The following SPEF2 variants were observed in gnomAD, a reference collection of about 807,000 sequenced individuals.
SPEF2 encodes sperm flagellar and cilia associated 2.
Under a neutral mutation model 224.6 loss-of-function variants are expected in SPEF2, and 187 were observed. That is an observed-to-expected ratio of 0.83 (90% confidence interval 0.74 to 0.94). The LOEUF (loss-of-function observed/expected upper bound fraction) is 0.94, where lower values mean the gene tolerates loss of function less well. Ranked by LOEUF, SPEF2 falls within the 40% of genes least tolerant of loss-of-function variation. The pLI is 0.00. For missense variants in SPEF2, 2,170 were observed against 2,135.6 expected (o/e 1.02, Z -0.32); for synonymous variants, 715 against 707.3 (o/e 1.01, Z -0.17).
chr5:35,704,874 G>A (rs556826840), intron 17 of SPEF2, among the ~76,000 whole-genome samples: 94 of 152,100 alleles, frequency 6.2e-4, no homozygotes, highest in African/African-American at 2.1e-3. Flanking sequence ...AAAAAAAGAA[G>A]AATTAAATCA....
chr5:35,761,825 TTAG>T (rs1751325333), intron 25 of SPEF2, among the ~76,000 whole-genome samples: 1 of 152,184 alleles, frequency 6.6e-6, no homozygotes, highest in Non-Finnish European at 1.5e-5. Flanking sequence ...TTGATGTTGG[TTAG>T]TAGAATGAAA....
At chr5:35,720,323 G>C (rs1743393677) in intron 20 of SPEF2, among the ~76,000 whole-genome samples, 1 of 152,118 alleles carries the variant, frequency 6.6e-6, no homozygotes, top group South Asian at 2.1e-4. Flanking sequence ...AATATTCCAA[G>C]CAAAGTCAAA....
intron 2 of SPEF2, among the ~76,000 whole-genome samples, chr5:35,631,417 C>G (rs1745110611): frequency 6.6e-6 from 1 of 152,156 alleles, no homozygotes; most frequent in African/African-American, 2.4e-5. Flanking sequence ...TCACAAGACA[C>G]CACTTCATAC....
intron 23 of SPEF2, among the ~76,000 whole-genome samples, chr5:35,740,545 T>C (rs1444756023): frequency 6.6e-6 from 1 of 152,176 alleles, no homozygotes. Flanking sequence ...CTTAGTCTCT[T>C]TGTGGGTCAA....
chr5:35,649,521 C>T, intron 6 of SPEF2, 96 bp downstream of exon 6: 1 of 928,896 alleles, frequency 1.1e-6, no homozygotes, highest in Non-Finnish European at 1.6e-6. Flanking sequence ...AGAGCTATTC[C>T]AGGATCTTTT....
intron 2 of SPEF2, among the ~76,000 whole-genome samples, chr5:35,634,811 A>G (rs940882881): frequency 1.3e-5 from 2 of 152,064 alleles, no homozygotes; most frequent in Non-Finnish European, 2.9e-5. Context: ...GGTGTGGTAC[A>G]TTTGTTACAA....
In SPEF2 at chr5:35,771,523, A is replaced by C; in HGVS notation, c.3802-86A>C. On this transcript the variant is annotated intron_variant, in intron 26 of 36. Transcript: ENST00000356031. ...ATTGTTTACAGTGGATTAAGGTTTC[A>C]ACAGAATTTAGTAATGACTACATCC... is the stretch of plus-strand genomic sequence containing the variant. 2.7e-6 allele frequency: 4 copies of C among 1,498,984 alleles called. No homozygotes were observed. In the South Asian group the frequency reaches 5.5e-5, roughly 21 times the overall value. The allele number at this position is 1,498,984 out of a possible 1,614,324, so 92.9% of individuals were successfully genotyped here. A position where few individuals can be genotyped will look rare whatever the true frequency, so the allele number is the denominator to read the frequency against.
At chr5:35,698,167 A>T (rs1237216359) in intron 15 of SPEF2, 2 of 161,228 alleles carry the variant, frequency 1.2e-5, no homozygotes, top group African/African-American at 4.8e-5. Context: ...AGAGAAGGTC[A>T]GCAGGCTGGA....
chr5:35,764,736 T>C (rs539821686), intron 26 of SPEF2: 2 of 456,186 alleles, frequency 4.4e-6, no homozygotes, highest in Admixed American at 4.7e-5. Flanking sequence ...AGTCCCTTCT[T>C]GGCCTCTCTG....
chr5:35,778,489 T>C (rs954266452), intron 29 of SPEF2, among the ~76,000 whole-genome samples: 1 of 152,180 alleles, frequency 6.6e-6, no homozygotes, highest in Non-Finnish European at 1.5e-5. Context: ...ATCATAGTGG[T>C]TCCCAGCTGT....
chr5:35,787,981 A>AT lies in SPEF2; in HGVS notation c.4448-4358dup. 8 of 640,000 alleles carry AT rather than the reference A, an allele frequency of 1.3e-5. No homozygotes were observed. In the Middle Eastern group the frequency reaches 1.7e-3, roughly 138 times the overall value. 39.6% of individuals were successfully genotyped at this position (640,000 alleles called of 1,614,324 possible). A position where few individuals can be genotyped will look rare whatever the true frequency, so the allele number is the denominator to read the frequency against. On this transcript the variant is annotated intron_variant, in intron 30 of 36. Transcript: ENST00000356031. ...AATTTTTGAAAATTTGGCTTAAAAA[A>AT]TATCCATGGCTTATATATGATGAGC... is the stretch of plus-strand genomic sequence containing the variant.
chr5:35,621,940 A>G (rs1375004744), intron 1 of SPEF2, among the ~76,000 whole-genome samples: 4 of 152,194 alleles, frequency 2.6e-5, no homozygotes, highest in Non-Finnish European at 4.4e-5. Context: ...CACACTGTTC[A>G]ATAGTATTTT....
At chr5:35,796,996 G>A (rs189481335) in intron 33 of SPEF2, among the ~76,000 whole-genome samples, 11 of 152,298 alleles carry the variant, frequency 7.2e-5, no homozygotes, top group Admixed American at 5.9e-4. Flanking sequence ...GGAATGGTCT[G>A]TATATGCTTT....
chr5:35,636,703 G>C (rs1265263721), intron 2 of SPEF2, among the ~76,000 whole-genome samples: 1 of 152,052 alleles, frequency 6.6e-6, no homozygotes, highest in Non-Finnish European at 1.5e-5. Context: ...GGCCGGGTGT[G>C]GTGGCTAATG....
intron 20 of SPEF2, among the ~76,000 whole-genome samples, chr5:35,713,175 C>T (rs13153801): frequency 0.7 from 106,990 of 151,814 alleles, 38,483 homozygotes; most frequent in Middle Eastern, 0.79. Flanking sequence ...TAAGCTGTGC[C>T]ATCCGAAAGC....
chr5:35,761,376 A>G (rs1751261309), intron 25 of SPEF2, among the ~76,000 whole-genome samples: 1 of 152,236 alleles, frequency 6.6e-6, no homozygotes. Flanking sequence ...TTGTGGTATC[A>G]GAAGATGAGA....
intron 21 of SPEF2, among the ~76,000 whole-genome samples, chr5:35,736,942 A>G (rs756848511): frequency 6.6e-6 from 1 of 151,980 alleles, no homozygotes; most frequent in Non-Finnish European, 1.5e-5. Context: ...CACTGTTGCC[A>G]TGACCTTTTC....
chr5:35,753,741 C>T lies in SPEF2; in HGVS notation c.3448C>T (p.His1150Tyr), dbSNP rs1449782469. ...LQDTLGMTMNHFFSLMQAELN... is the reference protein window; with the variant it reads ...LQDTLGMTMNYFFSLMQAELN... ...GGACACTCTTGGAATGACAATGAAC[C>T]ATTTCTTTTCCCTGATGCAGGTAAG... Residue 1150 changes from histidine to tyrosine, a missense_variant, in exon 24 of 37, where the codon CAT (histidine) becomes TAT (tyrosine). Physicochemically the swap from His to Tyr is moderately conservative, Grantham distance 83. Coordinates refer to ENST00000356031, the MANE Select transcript of SPEF2 (RefSeq NM_024867.4). The T allele has an allele frequency of 6.2e-7, 1 of 1,613,968 alleles. No individual in the cohort carries two copies.
chr5:35,653,450 A>G (rs1748480071), intron 6 of SPEF2, among the ~76,000 whole-genome samples: 1 of 152,206 alleles, frequency 6.6e-6, no homozygotes, highest in Non-Finnish European at 1.5e-5. Context: ...GGAAGAGTGT[A>G]GTAGATGGAA....
Sources: allele counts gnomAD v4.1 joint callset (sites outside exome capture counted in the v4.1 genomes callset), GRCh38; gene constraint gnomAD v4.1.1; transcripts MANE v1.5; gene names NCBI Gene and HGNC (gene_info 2026-07-23, HGNC 2026-07-21).